The following KANK2 variants were observed in gnomAD, a reference collection of about 807,000 sequenced individuals.
The protein encoded by KANK2 is KN motif and ankyrin repeat domains 2.
In KANK2, 41 loss-of-function variants were observed where a neutral mutation model predicts 74.6. The observed-to-expected ratio is 0.55, with a 90% CI of 0.43 to 0.71. KANK2 has a LOEUF of 0.71. KANK2 is among the 30% of genes least tolerant of loss of function. The pLI is 0.00. For synonymous variants in KANK2, 537 were observed against 519.0 expected (o/e 1.03, Z -0.47); for missense variants, 1,148 against 1,196.4 (o/e 0.96, Z 0.60).
chr19:11,179,691 A>G (rs1754498666), intron 4 of KANK2, among the ~76,000 whole-genome samples: 1 of 152,138 alleles, frequency 6.6e-6, no homozygotes, highest in African/African-American at 2.4e-5. Context: ...GAAACGAAAC[A>G]AAAGAAAACA....
In KANK2 at chr19:11,178,783, G is replaced by A. The variant is rs1259517069; in HGVS notation, c.1250-63C>T. On this transcript the variant is annotated intron_variant, in intron 4 of 12. Coordinates refer to ENST00000586659, the MANE Select transcript of KANK2 (RefSeq NM_001136191.3). ...AAAAGCCAAACCACCACAGCCCTGC[G>A]GGTCATACACCCTGGGCCAGGAGCT... 1.3e-5 allele frequency: 19 copies of A among 1,432,376 alleles called. No individual in the cohort carries two copies. In the South Asian group the frequency reaches 2.0e-4, roughly 15 times the overall value. The allele number at this position is 1,432,376 out of a possible 1,614,324, so 88.7% of individuals were successfully genotyped here.
rs762366120 is a variant in KANK2 at position 11,193,319 on chromosome 19, T to G, written c.761A>C (p.Asp254Ala). The change falls in exon 4 of 13, where the codon GAT becomes GCT. Residue 254 changes from aspartate to alanine, a missense_variant. Coordinates refer to ENST00000586659, the MANE Select transcript of KANK2 (RefSeq NM_001136191.3). The surrounding 1 kb of genome is among the most constrained non-coding windows in gnomAD (Gnocchi z 9.6). ...GRSELCLDLP[D>A]PPEDPVALET... ...CAGTGCCACTGGGTCCTCTGGGGGA[T>G]CGGGGAGGTCCAGGCAGAGCTCGCT... 6.2e-7 allele frequency: 1 copy of G among 1,612,336 alleles called. No homozygotes were observed. The highest frequency in any genetic ancestry group is 2.2e-5 in the East Asian group (1 of 44,856).
intron 3 of KANK2, 30 bp from the exon 4 acceptor site, chr19:11,194,072 G>C (rs1489154711): frequency 6.4e-7 from 1 of 1,569,526 alleles, no homozygotes; most frequent in East Asian, 2.2e-5. Context: ...CAGGACCTTT[G>C]AATCCTCTTG....
Position 11,183,792 on chromosome 19 carries a change from A to C in KANK2, c.1250-5072T>G, listed in dbSNP as rs562078658. ...CAGCCTCCCGAGTAGCTGGGATTAC[A>C]AGTGCCCGCTACCATGCCCAGCTAA... On this transcript the variant is annotated intron_variant, in intron 4 of 12. Coordinates refer to ENST00000586659, the MANE Select transcript of KANK2 (RefSeq NM_001136191.3). 2.0e-5 allele frequency among the ~76,000 whole-genome samples: 3 copies of C among 152,224 alleles called. No individual in the cohort carries two copies. In the South Asian group the frequency reaches 6.2e-4, roughly 32 times the overall value.
At position 11,176,826 on chromosome 19, in the gene KANK2, G is replaced by A. The variant is rs2078354906; in HGVS notation, c.1521-9C>T. The A allele has an allele frequency of 6.7e-7, 1 of 1,501,468 alleles. No homozygotes were observed. Among genetic ancestry groups the A allele is most frequent in the Non-Finnish European group, 8.9e-7 (1 of 1,123,612 alleles). 93.0% of individuals were successfully genotyped at this position (1,501,468 alleles called of 1,614,324 possible). ...CGGATGACGACTCATACCTGGGGAGGAACGAGCGGGGAGGGGGAGATGCTG... is the reference window on the plus strand; with the variant it reads ...CGGATGACGACTCATACCTGGGGAGAAACGAGCGGGGAGGGGGAGATGCTG... On this transcript the variant is annotated splice_polypyrimidine_tract_variant and intron_variant, in intron 6 of 12. Coordinates refer to ENST00000586659, the MANE Select transcript of KANK2 (RefSeq NM_001136191.3).
intron 4 of KANK2, among the ~76,000 whole-genome samples, chr19:11,180,099 T>A (rs756570493): frequency 2.6e-4 from 40 of 152,296 alleles, no homozygotes; most frequent in Non-Finnish European, 4.1e-4. Context: ...TGAGCTCAAG[T>A]GATCCGCCTT....
At chr19:11,173,470 G>A (rs186357490) in intron 9 of KANK2, among the ~76,000 whole-genome samples, 11 of 152,168 alleles carry the variant, frequency 7.2e-5, no homozygotes, top group East Asian at 3.9e-4. Flanking sequence ...TCATCAGCCC[G>A]GGAGGCTGTC....
At position 11,178,340 on chromosome 19, in the gene KANK2, C is replaced by A; in HGVS notation, c.1520+5G>T. ...GGGGTGGGGGGTGGGGTCTTCTCCT[C>A]TCACCCGCCGTTGACCCCCACGAAC... On this transcript the variant is annotated splice_donor_5th_base_variant and intron_variant, in intron 6 of 12. Coordinates refer to ENST00000586659, the MANE Select transcript of KANK2 (RefSeq NM_001136191.3). The A allele has an allele frequency of 1.3e-6, 2 of 1,505,022 alleles. No individual in the cohort carries two copies. The highest frequency in any genetic ancestry group is 1.8e-6 in the Non-Finnish European group (2 of 1,132,470). 93.2% of individuals were successfully genotyped at this position (1,505,022 alleles called of 1,614,324 possible).
At chr19:11,191,566 T>C (rs2078847008) in intron 4 of KANK2, among the ~76,000 whole-genome samples, 1 of 152,200 alleles carries the variant, frequency 6.6e-6, no homozygotes, top group Non-Finnish European at 1.5e-5. Context: ...GGCTCAGCAA[T>C]GGGCACATGA....
At chr19:11,191,247 G>A (rs9748961) in intron 4 of KANK2, among the ~76,000 whole-genome samples, 7 of 151,962 alleles carry the variant, frequency 4.6e-5, no homozygotes, top group African/African-American at 1.7e-4. Flanking sequence ...CACTGTGTTG[G>A]CCAGGCTGGT....
Position 11,192,821 on chromosome 19 carries a change from G to T in KANK2, c.1249+10C>A. 2 of 1,585,978 alleles carry T rather than the reference G, an allele frequency of 1.3e-6. No individual in the cohort carries two copies. The highest frequency in any genetic ancestry group is 1.1e-5 in the South Asian group (1 of 90,272). On this transcript the variant is annotated intron_variant, in intron 4 of 12. Transcript: ENST00000586659. ...AAGCCATTCTCCCCTGCCTGCCTGC[G>T]ACCGCTTACCTGCTGCTCCATCGCA...
intron 2 of KANK2, 173 bp from the exon 3 acceptor site, chr19:11,194,763 C>CT (rs1164960480): frequency 1.1e-5 from 5 of 450,392 alleles, no homozygotes; most frequent in Admixed American, 3.4e-5. Context: ...CCCCCTCCCC[C>CT]CCGCAGGTCT....
rs1406586712 is a variant in KANK2 at position 11,166,590 on chromosome 19, C to T, written c.2524G>A (p.Glu842Lys). 3.7e-6 allele frequency: 6 copies of T among 1,614,178 alleles called. No individual in the cohort carries two copies. The highest frequency in any genetic ancestry group is 1.3e-5 in the African/African-American group (1 of 75,050). ...KCSFAPMSDD[E>K]SPTSSSAEE ...TCTGCCGAGGATGATGTAGGGCTCT[C>T]GTCATCTGACATTGGGGCAAACTGA... Residue 842 changes from glutamate to lysine, a missense_variant, in exon 13 of 13, where the codon GAG becomes AAG. Glu to Lys is a moderately conservative substitution (Grantham distance 56, BLOSUM62 1). Transcript: ENST00000586659.
chr19:11,175,811 C>A (rs2078319038), intron 8 of KANK2, 91 bp downstream of exon 8: 2 of 854,406 alleles, frequency 2.3e-6, no homozygotes, highest in East Asian at 2.5e-5. Flanking sequence ...TAGGCAGGAG[C>A]AGGAAGTCAC....
Position 11,178,310 on chromosome 19 carries a change from AG to A in KANK2, c.1520+34del, listed in dbSNP as rs777477840. On this transcript the variant is annotated intron_variant, in intron 6 of 12. Transcript: ENST00000586659. Reference sequence around the variant, plus strand: ...GTGGATGAATGGAGGAGGGGCGGGAAGTATGGGGTGGGGGGTGGGGTCTTCT... The same window carrying A: ...GTGGATGAATGGAGGAGGGGCGGGAATATGGGGTGGGGGGTGGGGTCTTCT... 13 of 642,618 alleles carry A rather than the reference AG, an allele frequency of 2.0e-5. No homozygotes were observed. In the East Asian group the frequency reaches 1.0e-3, roughly 50 times the overall value. The allele number at this position is 642,618 out of a possible 1,614,324, so 39.8% of individuals were successfully genotyped here. A position where few individuals can be genotyped will look rare whatever the true frequency, so the allele number is the denominator to read the frequency against.
chr19:11,181,116 A>AAAAAT (rs2078504733), intron 4 of KANK2, among the ~76,000 whole-genome samples: 1 of 146,016 alleles, frequency 6.8e-6, no homozygotes, highest in East Asian at 2.0e-4. Context: ...AAAAAAAAAA[A>AAAAAT]TTCTGGGAGA....
rs769973461 is a variant in KANK2 at position 11,178,430 on chromosome 19, C to T, written c.1435G>A (p.Val479Met). ...TCTTTCCGTTTCATGATAGATCGCACGCCTGCCGGGGGCCCGCCTGGAGGG... is the reference window on the plus strand; with the variant it reads ...TCTTTCCGTTTCATGATAGATCGCATGCCTGCCGGGGGCCCGCCTGGAGGG... ...AGGTGGPPAG[V>M]RSIMKRKEEV... The change falls in exon 6 of 13, where the codon GTG (valine) becomes ATG (methionine). Residue 479 changes from valine to methionine, a missense_variant. Transcript: ENST00000586659. 38 of 1,595,282 alleles carry T rather than the reference C, an allele frequency of 2.4e-5. No individual in the cohort carries two copies. Among genetic ancestry groups the T allele is most frequent in the African/African-American group, 4.1e-5 (3 of 73,450 alleles).
chr19:11,193,873 G>A lies in KANK2; in HGVS notation c.207C>T (p.Arg69=). Residue 69 remains arginine, a synonymous_variant, in exon 4 of 13, where the codon CGC becomes CGT. Transcript: ENST00000586659. The surrounding 1 kb of genome is among the most constrained non-coding windows in gnomAD (Gnocchi z 9.6). ...CAGGGCCACGGGGCAGCGAGCTCAGGCGGGGGCGGCGCTGCACTGCCACGC... is the reference window on the plus strand; with the variant it reads ...CAGGGCCACGGGGCAGCGAGCTCAGACGGGGGCGGCGCTGCACTGCCACGC... ...LRRVAVQRRP[R]LSSLPRGPGS... 6.2e-7 allele frequency: 1 copy of A among 1,613,342 alleles called. No individual in the cohort carries two copies. The highest frequency in any genetic ancestry group is 8.5e-7 in the Non-Finnish European group (1 of 1,179,822).
intron 4 of KANK2, among the ~76,000 whole-genome samples, chr19:11,184,232 A>C (rs1290946265): frequency 6.7e-6 from 1 of 150,248 alleles, no homozygotes; most frequent in African/African-American, 2.4e-5. Flanking sequence ...AAAAATTAGC[A>C]GAGTATGCTG....
Sources: gnomAD v4.1 joint callset for allele counts (sites outside exome capture counted in the v4.1 genomes callset) on GRCh38, gnomAD v4.1.1 for gene constraint, Gnocchi (gnomAD v3.1) non-coding constraint, MANE v1.5 for transcripts, NCBI Gene and HGNC (gene_info 2026-07-23, HGNC 2026-07-21) for gene names.